LTBP1: variants seen among roughly 807,000 people sequenced by gnomAD.
LTBP1 encodes latent-transforming growth factor beta-binding protein 1.
LTBP1 carries 129 observed loss-of-function variants against 207.6 expected under a neutral mutation model. The observed-to-expected ratio is 0.62, with a 90% CI of 0.54 to 0.72. The LOEUF is 0.72. Ranked by LOEUF, LTBP1 falls within the 30% of genes least tolerant of loss-of-function variation. The pLI is 0.00. For missense variants in LTBP1, 2,281 were observed against 2,217.2 expected (o/e 1.03, Z -0.58); for synonymous variants, 963 against 833.7 (o/e 1.16, Z -2.67).
intron 3 of LTBP1, among the ~76,000 whole-genome samples, chr2:33,090,350 T>C (rs750120715): frequency 1.4e-4 from 22 of 152,184 alleles, no homozygotes; most frequent in Non-Finnish European, 2.8e-4. Context: ...TTGCCTTTGG[T>C]GGACTGATAT....
At chr2:33,363,086 A>G (rs921298191) in intron 28 of LTBP1, among the ~76,000 whole-genome samples, 5 of 152,190 alleles carry the variant, frequency 3.3e-5, no homozygotes, top group Non-Finnish European at 5.9e-5. Flanking sequence ...TGATGCCACT[A>G]TGGAACCATA....
At chr2:33,376,584 G>A (rs554940155) in intron 31 of LTBP1, among the ~76,000 whole-genome samples, 6 of 152,308 alleles carry the variant, frequency 3.9e-5, no homozygotes, top group Admixed American at 6.5e-5. Flanking sequence ...CCGTGCTAAC[G>A]GGATCCCAGG....
intron 3 of LTBP1, among the ~76,000 whole-genome samples, chr2:33,098,418 A>T (rs1454166223): frequency 6.6e-6 from 1 of 152,056 alleles, no homozygotes; most frequent in Non-Finnish European, 1.5e-5. Context: ...TATTAACTTT[A>T]TGGTGTCTTT....
chr2:33,138,258 G>A (rs150291461), intron 5 of LTBP1, among the ~76,000 whole-genome samples: 35 of 152,174 alleles, frequency 2.3e-4, no homozygotes, highest in Non-Finnish European at 4.3e-4. Flanking sequence ...GTATTCAGTG[G>A]GAGAAATAAT....
At chr2:33,074,797 G>A (rs2077988010) in intron 3 of LTBP1, among the ~76,000 whole-genome samples, 2 of 151,754 alleles carry the variant, frequency 1.3e-5, no homozygotes, top group South Asian at 4.2e-4. Context: ...GTGAACCGAG[G>A]AGGTGGAGGT....
At chr2:33,031,084 A>G (rs1558537094) in intron 3 of LTBP1, among the ~76,000 whole-genome samples, 1 of 152,172 alleles carries the variant, frequency 6.6e-6, no homozygotes, top group African/African-American at 2.4e-5. Context: ...AAAAAATATT[A>G]TTAGTACTCT....
At chr2:33,353,889 T>C (rs2094818498) in intron 26 of LTBP1, among the ~76,000 whole-genome samples, 1 of 149,248 alleles carries the variant, frequency 6.7e-6, no homozygotes. Context: ...AGACTGAGTC[T>C]CTCTCTGTCA....
At chr2:33,229,170 T>G (rs186716591) in intron 9 of LTBP1, among the ~76,000 whole-genome samples, 27 of 152,296 alleles carry the variant, frequency 1.8e-4, no homozygotes, top group African/African-American at 6.5e-4. Context: ...TTTATTTCAT[T>G]AAAAAGTGAT....
At chr2:33,234,505 C>A (rs1437758985) in intron 9 of LTBP1, among the ~76,000 whole-genome samples, 3 of 152,064 alleles carry the variant, frequency 2.0e-5, no homozygotes, top group African/African-American at 7.2e-5. Context: ...CCTAGGAATA[C>A]AACTTACAAG....
intron 7 of LTBP1, among the ~76,000 whole-genome samples, chr2:33,195,899 AT>A (rs1346848452): frequency 1.3e-5 from 2 of 152,198 alleles, no homozygotes; most frequent in African/African-American, 2.4e-5. Flanking sequence ...CCCCATCCTG[AT>A]TGGTTGACAG....
chr2:33,087,554 C>A (rs1233991670), intron 3 of LTBP1, among the ~76,000 whole-genome samples: 2 of 152,108 alleles, frequency 1.3e-5, no homozygotes, highest in South Asian at 4.1e-4. Flanking sequence ...ATAAATCAGT[C>A]TTAGACCTGA....
intron 3 of LTBP1, among the ~76,000 whole-genome samples, chr2:33,104,846 G>C (rs1185083081): frequency 6.6e-6 from 1 of 152,130 alleles, no homozygotes; most frequent in Non-Finnish European, 1.5e-5. Flanking sequence ...CTCGAGAATA[G>C]AGTGGCCCTT....
intron 2 of LTBP1, among the ~76,000 whole-genome samples, chr2:32,991,951 G>C (rs1212723097): frequency 6.6e-6 from 1 of 152,102 alleles, no homozygotes. Context: ...CTCATTTGCT[G>C]GTATTATTGG....
chr2:33,331,772 T>C (rs2167972), intron 24 of LTBP1, among the ~76,000 whole-genome samples: 70,050 of 151,888 alleles, frequency 0.46, 16,596 homozygotes, highest in African/African-American at 0.53. Flanking sequence ...TATAAATGAC[T>C]GAGGAGTATG....
chr2:33,060,415 CAT>C (rs528957973), intron 3 of LTBP1, among the ~76,000 whole-genome samples: 90 of 152,138 alleles, frequency 5.9e-4, no homozygotes, highest in Non-Finnish European at 1.1e-3. Context: ...ATTTTAGTAA[CAT>C]GTGGCTTTTG....
At chr2:33,293,820 AG>A (rs968067623) in intron 20 of LTBP1, among the ~76,000 whole-genome samples, 1 of 152,122 alleles carries the variant, frequency 6.6e-6, no homozygotes, top group Non-Finnish European at 1.5e-5. Context: ...GCCATTTAAT[AG>A]TATACCTACC....
intron 19 of LTBP1, among the ~76,000 whole-genome samples, chr2:33,287,099 C>A (rs1318023782): frequency 3.7e-5 from 5 of 136,220 alleles, no homozygotes; most frequent in Non-Finnish European, 8.1e-5. Context: ...AAAATAAAAA[C>A]AACAACAACA....
chr2:33,060,107 A>C (rs1204122131), intron 3 of LTBP1, among the ~76,000 whole-genome samples: 1 of 152,114 alleles, frequency 6.6e-6, no homozygotes, highest in African/African-American at 2.4e-5. Context: ...CTATTTTTAA[A>C]CTGTAGACTC....
At chr2:33,141,666 G>C (rs7591623) in intron 5 of LTBP1, among the ~76,000 whole-genome samples, 3,928 of 152,258 alleles carry the variant, frequency 0.026, 167 homozygotes, top group African/African-American at 0.087. Flanking sequence ...TGTCTGATGA[G>C]ATAACATTGG....
Sources: allele counts gnomAD v4.1 joint callset (sites outside exome capture counted in the v4.1 genomes callset), GRCh38; gene constraint gnomAD v4.1.1; transcripts MANE v1.5; gene names NCBI Gene and HGNC (gene_info 2026-07-23, HGNC 2026-07-21).